The following PLCB4 variants were observed in gnomAD, a reference collection of about 807,000 sequenced individuals.
PLCB4 encodes the protein phospholipase C beta 4, also known as 1-phosphatidylinositol 4,5-bisphosphate phosphodiesterase beta-4.
PLCB4 carries 77 observed loss-of-function variants against 178.8 expected under a neutral mutation model. The observed-to-expected ratio is 0.43, with a 90% CI of 0.36 to 0.52. The LOEUF is 0.52. PLCB4 is among the 20% of genes least tolerant of loss of function. The pLI is 0.00. For missense variants in PLCB4, 1,024 were observed against 1,453.4 expected, an observed-to-expected ratio of 0.70 and a Z score of 4.80; for synonymous variants, 496 against 490.8, an observed-to-expected ratio of 1.01 and a Z score of -0.14.
intron 1 of PLCB4, among the ~76,000 whole-genome samples, chr20:9,087,533 A>G (rs1432059755): frequency 6.6e-6 from 1 of 152,068 alleles, no homozygotes; most frequent in Non-Finnish European, 1.5e-5. Flanking sequence ...CAAAACTTCC[A>G]TTTTCCCATC....
intron 2 of PLCB4, among the ~76,000 whole-genome samples, chr20:9,181,708 C>T (rs1042132144): frequency 6.6e-6 from 1 of 152,222 alleles, no homozygotes; most frequent in Non-Finnish European, 1.5e-5. Context: ...TAATCCAACT[C>T]TAATTACCTC....
At chr20:9,381,945 T>A (rs984936322) in intron 13 of PLCB4, among the ~76,000 whole-genome samples, 4 of 152,170 alleles carry the variant, frequency 2.6e-5, no homozygotes, top group Admixed American at 2.6e-4. Flanking sequence ...TCCAAGCCAA[T>A]GGCTTTACAT....
intron 27 of PLCB4, 46 bp downstream of exon 27, chr20:9,421,507 C>A: frequency 6.5e-7 from 1 of 1,537,934 alleles, no homozygotes; most frequent in Non-Finnish European, 9.0e-7. Flanking sequence ...AACTTGGGAG[C>A]CATGTTTTAG....
At chr20:9,173,668 A>G (rs1285429378) in intron 2 of PLCB4, among the ~76,000 whole-genome samples, 2 of 152,140 alleles carry the variant, frequency 1.3e-5, no homozygotes, top group African/African-American at 2.4e-5. Flanking sequence ...CTATTGTCAC[A>G]TGTCTTTCTT....
chr20:9,433,298 G>A (rs1363182141), intron 28 of PLCB4, among the ~76,000 whole-genome samples: 1 of 152,156 alleles, frequency 6.6e-6, no homozygotes, highest in East Asian at 1.9e-4. Context: ...GATGTCAAGA[G>A]GGATTGCTTT....
chr20:9,186,314 C>T (rs1023683758), intron 2 of PLCB4, among the ~76,000 whole-genome samples: 17 of 152,114 alleles, frequency 1.1e-4, no homozygotes, highest in Non-Finnish European at 2.2e-4. Flanking sequence ...TAGTATTTGT[C>T]AAAACCCATT....
intron 39 of PLCB4, among the ~76,000 whole-genome samples, chr20:9,478,310 G>C (rs940336907): frequency 6.6e-6 from 1 of 152,082 alleles, no homozygotes; most frequent in Non-Finnish European, 1.5e-5. Flanking sequence ...AGAAGTAAGA[G>C]CCCACAGGGA....
At chr20:9,256,263 G>A (rs183787331) in intron 3 of PLCB4, among the ~76,000 whole-genome samples, 27 of 152,242 alleles carry the variant, frequency 1.8e-4, no homozygotes, top group Non-Finnish European at 3.7e-4. Context: ...GATTCCCTCA[G>A]GGATCCAGAC....
intron 4 of PLCB4, among the ~76,000 whole-genome samples, chr20:9,321,162 T>G (rs770338313): frequency 1.3e-4 from 20 of 152,244 alleles, no homozygotes; most frequent in Admixed American, 4.6e-4. Flanking sequence ...ATCAGTCATC[T>G]CTTTAAACCC....
chr20:9,326,396 C>T (rs140775830), intron 4 of PLCB4, among the ~76,000 whole-genome samples: 10 of 152,194 alleles, frequency 6.6e-5, no homozygotes, highest in South Asian at 2.1e-4. Flanking sequence ...CCAGAATAAG[C>T]GTTCTCTGTA....
At chr20:9,217,259 A>T (rs993873665) in intron 2 of PLCB4, 131 bp from the exon 3 acceptor site, 1 of 152,124 alleles carries the variant, frequency 6.6e-6, no homozygotes, top group Non-Finnish European at 1.5e-5. Flanking sequence ...TTATGCCACT[A>T]ATTTTTTTTT....
At chr20:9,390,058 G>T in intron 16 of PLCB4, 100 bp downstream of exon 16, 2 of 652,252 alleles carry the variant, frequency 3.1e-6, no homozygotes, top group Non-Finnish European at 5.4e-6. Flanking sequence ...TGAATAGTTT[G>T]TTTTGTGAAG....
intron 1 of PLCB4, among the ~76,000 whole-genome samples, chr20:9,079,704 A>G (rs1460324481): frequency 6.6e-6 from 1 of 152,200 alleles, no homozygotes; most frequent in Non-Finnish European, 1.5e-5. Context: ...GGTTTTGTGG[A>G]CAAAGAAAAT....
chr20:9,072,936 A>T (rs2089644599), intron 1 of PLCB4, among the ~76,000 whole-genome samples: 1 of 152,224 alleles, frequency 6.6e-6, no homozygotes, highest in East Asian at 1.9e-4. Flanking sequence ...CACCTCTCTT[A>T]CTCACTACTT....
chr20:9,369,756 C>T (rs2036084180), intron 9 of PLCB4, among the ~76,000 whole-genome samples: 1 of 152,210 alleles, frequency 6.6e-6, no homozygotes, highest in Non-Finnish European at 1.5e-5. Flanking sequence ...GGTGCTTTCT[C>T]CCACTCAGGA....
At chr20:9,107,257 C>A (rs1354804983) in intron 2 of PLCB4, among the ~76,000 whole-genome samples, 1 of 152,160 alleles carries the variant, frequency 6.6e-6, no homozygotes, top group Non-Finnish European at 1.5e-5. Flanking sequence ...GGAGCTGGGG[C>A]TTCAGAAGTG....
intron 2 of PLCB4, among the ~76,000 whole-genome samples, chr20:9,097,186 C>T (rs189536648): frequency 3.0e-4 from 45 of 150,622 alleles, no homozygotes; most frequent in Admixed American, 1.7e-3. Context: ...CTGCCTACCC[C>T]GGCCTCCGAA....
At chr20:9,247,673 A>G (rs900298408) in intron 3 of PLCB4, among the ~76,000 whole-genome samples, 12 of 152,274 alleles carry the variant, frequency 7.9e-5, no homozygotes, top group African/African-American at 2.9e-4. Context: ...GTTTGTTCCC[A>G]CTTCCAAAGG....
At chr20:9,084,907 G>A (rs2090327957) in intron 1 of PLCB4, among the ~76,000 whole-genome samples, 2 of 151,954 alleles carry the variant, frequency 1.3e-5, no homozygotes, top group African/African-American at 4.8e-5. Flanking sequence ...AAAAAAATTA[G>A]CCGGGCGTGG....
Sources: gnomAD v4.1 joint callset for allele counts (sites outside exome capture counted in the v4.1 genomes callset) on GRCh38, gnomAD v4.1.1 for gene constraint, MANE v1.5 for transcripts, NCBI Gene and HGNC (gene_info 2026-07-23, HGNC 2026-07-21) for gene names.